HNRNPH1: variants seen among roughly 807,000 people sequenced by gnomAD.
HNRNPH1 encodes the protein heterogeneous nuclear ribonucleoprotein H.
HNRNPH1 carries 4 observed loss-of-function variants against 58.6 expected under a neutral mutation model. That is an observed-to-expected ratio of 0.07 (90% CI 0.03 to 0.16). The LOEUF (loss-of-function observed/expected upper bound fraction) is 0.16. HNRNPH1 is among the 10% of genes least tolerant of loss of function. The probability of loss-of-function intolerance (pLI) is 1.00; values close to 1 mark genes in which losing one functional copy is unlikely to be tolerated. For synonymous variants in HNRNPH1, 192 were observed against 189.2 expected, an observed-to-expected ratio of 1.01 and a Z score of -0.12; for missense variants, 271 against 564.2, an observed-to-expected ratio of 0.48 and a Z score of 5.26.
exon 8 of HNRNPH1, chr5:179,617,572 G>A (rs928066091): frequency 4.3e-6 from 7 of 1,613,798 alleles, no homozygotes; most frequent in Non-Finnish European, 5.1e-6. Context: ...TTGCGAACTC[G>A]ACATCTGCTT....
chr5:179,614,844 C>T lies in HNRNPH1; in HGVS notation c.*116G>A, dbSNP rs572826426. The T allele has an allele frequency of 1.1e-3, 1,129 of 1,074,456 alleles. 7 individuals are homozygous for T. The highest frequency in any genetic ancestry group is 3.9e-4 in the Non-Finnish European group (295 of 748,846). 66.6% of individuals were successfully genotyped at this position (1,074,456 alleles called of 1,614,324 possible). ...GTCAGTGATCAGGATCGATCAATTA[C>T]ATTCCCCATCCACCACTCATACTGG... On this transcript the variant is annotated 3_prime_UTR_variant, in exon 13 of 13. Transcript: ENST00000356731.
At chr5:179,619,018 T>C (rs1178887822) in intron 4 of HNRNPH1, 1 of 283,054 alleles carries the variant, frequency 3.5e-6, no homozygotes, top group Non-Finnish European at 6.6e-6. Flanking sequence ...AAAGCCATAG[T>C]CTCTCAACTC....
chr5:179,625,327 C>T (rs1460235348), upstream of HNRNPH1, among the ~76,000 whole-genome samples: 2 of 136,514 alleles, frequency 1.5e-5, no homozygotes, highest in African/African-American at 2.8e-5. Context: ...GAAACCCCAT[C>T]TCTACTAAAG....
Position 179,623,012 on chromosome 5 carries a change from C to A in HNRNPH1, c.97+25G>T, listed in dbSNP as rs756115771. 3 of 1,199,444 alleles carry A rather than the reference C, an allele frequency of 2.5e-6. No individual in the cohort carries two copies. In the South Asian group the frequency reaches 4.7e-5, roughly 19 times the overall value. The allele number at this position is 1,199,444 out of a possible 1,614,324, so 74.3% of individuals were successfully genotyped here. ...CGCCCGCCCCGGCCTCGAACTCGAACTCCCGCGTCCTAGTTCTAACTCACC... is the reference window on the plus strand; with the variant it reads ...CGCCCGCCCCGGCCTCGAACTCGAAATCCCGCGTCCTAGTTCTAACTCACC... On this transcript the variant is annotated intron_variant, in intron 1 of 12. Transcript: ENST00000356731.
At chr5:179,621,076 G>C (rs749005424) in intron 2 of HNRNPH1, 41 bp from the exon 4 acceptor site, 2 of 1,603,076 alleles carry the variant, frequency 1.2e-6, no homozygotes, top group South Asian at 2.2e-5. Context: ...TGGAAAATTA[G>C]ATAACAAAGT....
chr5:179,627,516 TTTTAAGACAGGG>T, upstream of HNRNPH1, among the ~76,000 whole-genome samples: 1 of 152,112 alleles, frequency 6.6e-6, no homozygotes, highest in East Asian at 1.9e-4. Context: ...CCTTTTTTTT[TTTTAAGACAGGG>T]TCTCACTTCG....
At chr5:179,632,099 G>A (rs1407178038) in intron 2 of HNRNPH1, among the ~76,000 whole-genome samples, 3 of 152,082 alleles carry the variant, frequency 2.0e-5, no homozygotes, top group Non-Finnish European at 4.4e-5. Context: ...GAGGTCAGGA[G>A]ATCGAGACCA....
At chr5:179,617,415 A>C in intron 8 of HNRNPH1, 99 bp downstream of exon 9, 1 of 1,343,704 alleles carries the variant, frequency 7.4e-7, no homozygotes, top group South Asian at 1.4e-5. Flanking sequence ...ATTACTGGAG[A>C]GGAAACTTCT....
At chr5:179,617,433 C>T (rs891931350) in intron 8 of HNRNPH1, 81 bp downstream of exon 9, 30 of 1,458,966 alleles carry the variant, frequency 2.1e-5, no homozygotes, top group African/African-American at 2.8e-5. Context: ...TCTCATATAT[C>T]CTTATTTTTC....
chr5:179,632,653 C>T (rs1774940626), intron 2 of HNRNPH1, among the ~76,000 whole-genome samples: 2 of 152,250 alleles, frequency 1.3e-5, no homozygotes, highest in Non-Finnish European at 2.9e-5. Context: ...TGCGCGCCTC[C>T]TCCAGGCGGA....
At chr5:179,623,217 C>A in exon 1 of HNRNPH1, 2 of 985,680 alleles carry the variant, frequency 2.0e-6, no homozygotes, top group Non-Finnish European at 3.0e-6. Flanking sequence ...TGTCCTTCGC[C>A]TCCGAGGCGC....
intron 2 of HNRNPH1, among the ~76,000 whole-genome samples, chr5:179,631,688 G>A (rs1490619549): frequency 6.6e-5 from 10 of 151,616 alleles, no homozygotes; most frequent in African/African-American, 1.7e-4. Flanking sequence ...TGGACGTTGC[G>A]ATGAGCTGAG....
chr5:179,617,633 T>G, exon 8 of HNRNPH1: 1 of 1,613,278 alleles, frequency 6.2e-7, no homozygotes, highest in Non-Finnish European at 8.5e-7. Context: ...TCTCACAGGG[T>G]TGAGCGGTGA....
chr5:179,617,372 C>T, intron 8 of HNRNPH1, 142 bp downstream of exon 9: 3 of 1,013,630 alleles, frequency 3.0e-6, no homozygotes, highest in East Asian at 2.4e-5. Context: ...AAACCTTCAA[C>T]ACACTGCCCC....
upstream of HNRNPH1, chr5:179,624,766 A>C (rs2127726582): frequency 2.5e-6 from 1 of 395,430 alleles, no homozygotes; most frequent in East Asian, 3.6e-5. Context: ...ACAATACACA[A>C]ATTAACAATA....
chr5:179,614,986 A>T, intron 12 of HNRNPH1, 27 bp from the exon 14 acceptor site: 1 of 1,300,408 alleles, frequency 7.7e-7, no homozygotes, highest in East Asian at 2.5e-5. Flanking sequence ...TTGACAAGTT[A>T]GGAGTAATAT....
At chr5:179,619,337 G>A in exon 4 of HNRNPH1, 1 of 1,613,034 alleles carries the variant, frequency 6.2e-7, no homozygotes, top group Non-Finnish European at 8.5e-7. Flanking sequence ...CAAACTGCAC[G>A]AAGGCCTCCC....
upstream of HNRNPH1, among the ~76,000 whole-genome samples, chr5:179,626,221 A>C (rs1774380628): frequency 1.3e-5 from 2 of 151,874 alleles, no homozygotes; most frequent in African/African-American, 4.8e-5. Context: ...CTCATGCCTT[A>C]GCCTCCCAAG....
chr5:179,615,054 G>A (rs547213877), intron 12 of HNRNPH1, 95 bp from the exon 14 acceptor site: 79 of 786,204 alleles, frequency 1.0e-4, no homozygotes, highest in Non-Finnish European at 1.6e-4. Context: ...AAGTATACGA[G>A]TACAAATGGC....
Sources: gnomAD v4.1 joint callset for allele counts (sites outside exome capture counted in the v4.1 genomes callset) on GRCh38, gnomAD v4.1.1 for gene constraint, MANE v1.5 for transcripts, NCBI Gene and HGNC (gene_info 2026-07-23, HGNC 2026-07-21) for gene names.